The following CFAP61 variants were observed in gnomAD, a reference collection of about 807,000 sequenced individuals.
CFAP61 encodes the protein cilia- and flagella-associated protein 61.
A neutral mutation model predicts 135.6 loss-of-function variants in CFAP61; 107 were observed. The ratio of observed to expected loss-of-function variants is 0.79; its 90% CI spans 0.67 to 0.93. The LOEUF is 0.93. Among genes scored for constraint, CFAP61 ranks in the 40% least tolerant of loss-of-function variants. CFAP61 has a pLI of 0.00. For synonymous variants in CFAP61, 575 were observed against 578.5 expected, an observed-to-expected ratio of 0.99 and a Z score of 0.09; for missense variants, 1,507 against 1,556.2, an observed-to-expected ratio of 0.97 and a Z score of 0.53.
intron 16 of CFAP61, 87 bp downstream of exon 16, chr20:20,196,863 C>A: frequency 3.4e-6 from 4 of 1,163,594 alleles, no homozygotes; most frequent in Non-Finnish European, 2.6e-6. Flanking sequence ...TCATTCCTCT[C>A]ATGATGGGTT....
intron 8 of CFAP61, among the ~76,000 whole-genome samples, chr20:20,140,593 T>C (rs897805561): frequency 6.6e-6 from 1 of 152,156 alleles, no homozygotes; most frequent in East Asian, 1.9e-4. Flanking sequence ...TGGAGAAATA[T>C]GAACACTTTT....
intron 2 of CFAP61, among the ~76,000 whole-genome samples, chr20:20,068,079 G>A (rs6081863): frequency 0.055 from 8,303 of 152,170 alleles, 268 homozygotes; most frequent in East Asian, 0.11. Flanking sequence ...TAATTGTACT[G>A]TAAGACCCAA....
chr20:20,094,004 A>G (rs933466762), intron 7 of CFAP61, among the ~76,000 whole-genome samples: 1 of 152,120 alleles, frequency 6.6e-6, no homozygotes, highest in Non-Finnish European at 1.5e-5. Flanking sequence ...AGATCTCCCC[A>G]GATGATTCCA....
intron 26 of CFAP61, among the ~76,000 whole-genome samples, chr20:20,354,502 CAA>C (rs112245982): frequency 0.022 from 2,901 of 133,856 alleles, 64 homozygotes; most frequent in African/African-American, 0.065. Context: ...GACCTTGTCT[CAA>C]AAAAAAAAAA....
At chr20:20,058,862 T>A (rs6035539) in intron 2 of CFAP61, among the ~76,000 whole-genome samples, 95,245 of 152,052 alleles carry the variant, frequency 0.63, 30,209 homozygotes, top group East Asian at 0.94. Flanking sequence ...AGTTGCAAGG[T>A]ATATGAGCTC....
rs769662732 is a variant in CFAP61 at position 20,177,910 on chromosome 20, C to T, written c.1385+8450C>T. 6.6e-4 allele frequency among the ~76,000 whole-genome samples: 101 copies of T among 151,954 alleles called. 1 individual carries two copies. The highest frequency in any genetic ancestry group is 9.8e-4 in the Admixed American group (15 of 15,244). On this transcript the variant is annotated intron_variant, in intron 13 of 26. Transcript: ENST00000245957. ...TGGGCATGGTGAGGGCACAGGTCCT[C>T]CACACCTACTCTTTAAAAATGTATC...
chr20:20,091,056 C>A, intron 7 of CFAP61, 80 bp downstream of exon 7: 2 of 1,529,788 alleles, frequency 1.3e-6, no homozygotes, highest in Admixed American at 1.7e-5. Flanking sequence ...CGTTGCTGGG[C>A]ACCCCTGGAG....
intron 6 of CFAP61, among the ~76,000 whole-genome samples, chr20:20,086,474 A>G (rs892939675): frequency 2.6e-5 from 4 of 151,696 alleles, no homozygotes; most frequent in Admixed American, 6.6e-5. Context: ...AGCTTCATCC[A>G]TGTCCCTACA....
intron 18 of CFAP61, among the ~76,000 whole-genome samples, chr20:20,235,456 G>A (rs1319394297): frequency 3.9e-5 from 6 of 151,940 alleles, no homozygotes; most frequent in Non-Finnish European, 7.4e-5. Context: ...GTGTCTTCAC[G>A]AGACCTGCAG....
chr20:20,315,745 T>C, intron 25 of CFAP61, among the ~76,000 whole-genome samples: 1 of 152,340 alleles, frequency 6.6e-6, no homozygotes, highest in African/African-American at 2.4e-5. Flanking sequence ...CAGTTTCAGC[T>C]TTCTACATAT....
rs777603549 is a variant in CFAP61 at position 20,288,949 on chromosome 20, G to A, written c.3124+13G>A. ...GCCAAGATTCAAGGTATACGAGTAG[G>A]CTTCCTTCTCCTTGATGAAGCCACA... On this transcript the variant is annotated intron_variant, in intron 23 of 26. Coordinates refer to ENST00000245957, the MANE Select transcript of CFAP61 (RefSeq NM_015585.4). 1.3e-6 allele frequency: 2 copies of A among 1,592,322 alleles called. No individual in the cohort carries two copies. Among genetic ancestry groups the A allele is most frequent in the Admixed American group, 3.4e-5 (2 of 59,340 alleles).
intron 25 of CFAP61, among the ~76,000 whole-genome samples, chr20:20,312,156 A>G (rs773325529): frequency 1.4e-4 from 22 of 152,238 alleles, no homozygotes; most frequent in Non-Finnish European, 3.1e-4. Flanking sequence ...AGGCAAAGAA[A>G]CAAGAAAATA....
intron 8 of CFAP61, among the ~76,000 whole-genome samples, chr20:20,105,261 G>C (rs968346162): frequency 6.6e-6 from 1 of 152,172 alleles, no homozygotes; most frequent in Middle Eastern, 3.2e-3. Flanking sequence ...ATGGGTTTCA[G>C]ATCCCCCTAG....
At chr20:20,145,036 GC>G (rs1323397814) in intron 9 of CFAP61, among the ~76,000 whole-genome samples, 2 of 152,148 alleles carry the variant, frequency 1.3e-5, no homozygotes, top group Non-Finnish European at 2.9e-5. Context: ...GTTAAAGAAA[GC>G]CCTTTAGGCA....
intron 24 of CFAP61, among the ~76,000 whole-genome samples, chr20:20,295,161 C>T (rs1237506065): frequency 6.6e-6 from 1 of 152,088 alleles, no homozygotes; most frequent in Non-Finnish European, 1.5e-5. Context: ...CTGTGACCCT[C>T]GTCTTGAGGT....
chr20:20,210,193 C>A lies in CFAP61; in HGVS notation c.1932+10291C>A, dbSNP rs116799601. 4.8e-3 allele frequency among the ~76,000 whole-genome samples: 738 copies of A among 152,284 alleles called. 7 individuals are homozygous for A. Among genetic ancestry groups the A allele is most frequent in the African/African-American group, 0.017 (709 of 41,564 alleles). ...GTCTCCTTCCTGTATTCTCCAAAAT[C>A]TTTGTAGGGATCCTGCCCCCTTCCT... On this transcript the variant is annotated intron_variant, in intron 17 of 26. Transcript: ENST00000245957.
intron 19 of CFAP61, among the ~76,000 whole-genome samples, chr20:20,250,693 C>T (rs1321098797): frequency 6.6e-6 from 1 of 152,160 alleles, no homozygotes; most frequent in Admixed American, 6.5e-5. Context: ...CACTTAATGT[C>T]CTATTACCTT....
chr20:20,199,627 T>G, intron 16 of CFAP61, 141 bp from the exon 17 acceptor site: 3 of 786,934 alleles, frequency 3.8e-6, no homozygotes, highest in Non-Finnish European at 4.1e-6. Context: ...TCGAAGAGTA[T>G]GTTTGTTTAT....
intron 8 of CFAP61, among the ~76,000 whole-genome samples, chr20:20,131,989 A>G (rs1474767348): frequency 6.6e-6 from 1 of 152,080 alleles, no homozygotes; most frequent in Non-Finnish European, 1.5e-5. Context: ...CAAAATTGTT[A>G]ACTATAGGTA....
Sources: allele counts gnomAD v4.1 joint callset (sites outside exome capture counted in the v4.1 genomes callset), GRCh38; gene constraint gnomAD v4.1.1; transcripts MANE v1.5; gene names NCBI Gene and HGNC (gene_info 2026-07-23, HGNC 2026-07-21).